Variants in KANK1 observed in about 807,000 individuals in gnomAD.
KANK1 encodes the protein KN motif and ankyrin repeat domain-containing protein 1.
A neutral mutation model predicts 106.2 loss-of-function variants in KANK1; 109 were observed. That is an observed-to-expected ratio of 1.03 (90% CI 0.88 to 1.20). The LOEUF is 1.20. Ranked by LOEUF, KANK1 falls within the 50% of genes most tolerant of loss-of-function variation. The probability of loss-of-function intolerance (pLI) is 0.00; values close to 1 mark genes in which losing one functional copy is unlikely to be tolerated. For missense variants in KANK1, 2,399 were observed against 1,710.7 expected (o/e 1.40, Z -7.10); for synonymous variants, 873 against 652.2 (o/e 1.34, Z -5.16).
intron 1 of KANK1, among the ~76,000 whole-genome samples, chr9:563,827 T>C (rs1817117494): frequency 6.6e-6 from 1 of 152,208 alleles, no homozygotes. Context: ...CTGTGGTGAC[T>C]GTGTCACTAG....
intron 10 of KANK1, among the ~76,000 whole-genome samples, chr9:743,486 A>G (rs1836265831): frequency 6.6e-6 from 1 of 152,126 alleles, no homozygotes; most frequent in African/African-American, 2.4e-5. Flanking sequence ...TTATCTTTCA[A>G]AGCTTTTGAG....
chr9:528,321 A>G (rs1190178724), intron 1 of KANK1, among the ~76,000 whole-genome samples: 1 of 151,586 alleles, frequency 6.6e-6, no homozygotes, highest in Non-Finnish European at 1.5e-5. Flanking sequence ...TTGAATTTGC[A>G]TTTTCTAATG....
At chr9:686,819 C>T in intron 2 of KANK1, 2 of 985,248 alleles carry the variant, frequency 2.0e-6, no homozygotes, top group Non-Finnish European at 1.2e-6. Flanking sequence ...GAGGAACATG[C>T]TAGGATGTTA....
intron 1 of KANK1, among the ~76,000 whole-genome samples, chr9:505,972 A>T (rs989424648): frequency 6.6e-6 from 1 of 152,172 alleles, no homozygotes. Flanking sequence ...CCTTTCATCC[A>T]ACTTTCTCTA....
intron 2 of KANK1, among the ~76,000 whole-genome samples, chr9:703,865 C>T (rs1430793167): frequency 6.6e-6 from 1 of 152,068 alleles, no homozygotes; most frequent in Non-Finnish European, 1.5e-5. Context: ...GTGCACACCA[C>T]CATGCCCAGC....
chr9:600,927 AGGAG>A (rs1258440306), intron 1 of KANK1, among the ~76,000 whole-genome samples: 1 of 151,762 alleles, frequency 6.6e-6, no homozygotes, highest in African/African-American at 2.4e-5. Flanking sequence ...TTCATTTTTC[AGGAG>A]GGTCACTGTG....
chr9:659,534 A>T (rs1045783421), intron 1 of KANK1, among the ~76,000 whole-genome samples: 1 of 152,152 alleles, frequency 6.6e-6, no homozygotes, highest in African/African-American at 2.4e-5. Context: ...TTGTACTGCT[A>T]TGAAGAACTA....
intron 1 of KANK1, among the ~76,000 whole-genome samples, chr9:566,961 C>T (rs527606708): frequency 1.3e-5 from 2 of 151,994 alleles, no homozygotes; most frequent in Non-Finnish European, 2.9e-5. Context: ...CTTAGGTTAT[C>T]ATCCAGGTTT....
chr9:556,820 G>T (rs1343146155), intron 1 of KANK1, among the ~76,000 whole-genome samples: 2 of 152,044 alleles, frequency 1.3e-5, no homozygotes, highest in African/African-American at 2.4e-5. Context: ...CTGCTTTCTC[G>T]CTTGTTACAG....
At chr9:684,200 A>G (rs1276598533) in intron 2 of KANK1, 1 of 985,310 alleles carries the variant, frequency 1.0e-6, no homozygotes, top group Non-Finnish European at 1.2e-6. Flanking sequence ...AGCCAGTCAT[A>G]ATGGCTTAAG....
Position 494,658 on chromosome 9 carries a change from T to C in KANK1, c.-362+21385T>C, listed in dbSNP as rs147346310. Among the ~76,000 whole-genome samples the C allele has an allele frequency of 9.2e-5, 14 of 152,304 alleles. No homozygotes were observed. In the East Asian group the frequency reaches 2.7e-3, roughly 29 times the overall value. ...TGGAGCAATACACGTGACAAGCCTTTTGCCAACAACCATGTGAGCTGCTGA... is the reference window on the plus strand; with the variant it reads ...TGGAGCAATACACGTGACAAGCCTTCTGCCAACAACCATGTGAGCTGCTGA... On this transcript the variant is annotated intron_variant, in intron 3 of 15. Coordinates refer to the KANK1 transcript ENST00000382303.
chr9:472,349 C>G (rs1173210112), intron 2 of KANK1, among the ~76,000 whole-genome samples: 1 of 152,214 alleles, frequency 6.6e-6, no homozygotes, highest in Admixed American at 6.5e-5. Context: ...TGCCTCATTT[C>G]TGAGAGATTT....
chr9:684,494 G>C (rs886732148), intron 2 of KANK1: 5 of 985,142 alleles, frequency 5.1e-6, no homozygotes, highest in Non-Finnish European at 6.0e-6. Flanking sequence ...AGACTGGGTA[G>C]CCAGTCAAAG....
chr9:645,561 T>G (rs1839489603), intron 1 of KANK1, among the ~76,000 whole-genome samples: 1 of 150,750 alleles, frequency 6.6e-6, no homozygotes, highest in South Asian at 2.1e-4. Context: ...TTATCAATTT[T>G]TATACATTAG....
intron 1 of KANK1, among the ~76,000 whole-genome samples, chr9:632,414 A>G (rs1318830029): frequency 6.6e-6 from 1 of 152,214 alleles, no homozygotes; most frequent in Non-Finnish European, 1.5e-5. Context: ...TGAAAGTTGA[A>G]TGGAAAATAT....
intron 1 of KANK1, among the ~76,000 whole-genome samples, chr9:582,139 C>G (rs1266185490): frequency 6.6e-6 from 1 of 152,168 alleles, no homozygotes; most frequent in South Asian, 2.1e-4. Flanking sequence ...CTGTGGTCAC[C>G]TAGCAGCAGT....
Position 559,803 on chromosome 9 carries a change from G to C in KANK1, c.-84+55049G>C, listed in dbSNP as rs577007856. 2.0e-5 allele frequency among the ~76,000 whole-genome samples: 3 copies of C among 152,294 alleles called. No individual in the cohort carries two copies. In the East Asian group the frequency reaches 5.8e-4, roughly 29 times the overall value. ...TTTGAGTTTTCTCGGATTAAATATG[G>C]TTGTGGCTCTCTACCATGTGCCCCA... On this transcript the variant is annotated intron_variant, in intron 1 of 11. Transcript: ENST00000382297.
chr9:643,994 C>T (rs985139374), intron 1 of KANK1, among the ~76,000 whole-genome samples: 1 of 151,002 alleles, frequency 6.6e-6, no homozygotes, highest in East Asian at 1.9e-4. Flanking sequence ...TGAGCTGCCA[C>T]GCCTGGCCTT....
chr9:663,544 C>T (rs1295700528), intron 1 of KANK1, among the ~76,000 whole-genome samples: 5 of 152,198 alleles, frequency 3.3e-5, no homozygotes, highest in Admixed American at 2.0e-4. Context: ...TTTAATCATT[C>T]TGATTTTCAT....
Sources: gnomAD v4.1 joint callset for allele counts (sites outside exome capture counted in the v4.1 genomes callset) on GRCh38, gnomAD v4.1.1 for gene constraint, MANE v1.5 for transcripts, NCBI Gene and HGNC (gene_info 2026-07-23, HGNC 2026-07-21) for gene names.